Variants in LIPI observed in about 807,000 individuals in gnomAD.
LIPI encodes lipase I.
In LIPI, 59 loss-of-function variants were observed where a neutral mutation model predicts 50.6. That is an observed-to-expected ratio of 1.16 (90% CI 0.94 to 1.45). The LOEUF (loss-of-function observed/expected upper bound fraction) is 1.45. Among genes scored for constraint, LIPI ranks in the 40% most tolerant of loss-of-function variants. LIPI has a pLI of 0.00. For synonymous variants in LIPI, 203 were observed against 178.2 expected, an observed-to-expected ratio of 1.14 and a Z score of -1.11; for missense variants, 586 against 536.3, an observed-to-expected ratio of 1.09 and a Z score of -0.92.
At chr21:14,115,725 G>A (rs868406546) in intron 9 of LIPI, among the ~76,000 whole-genome samples, 1 of 152,134 alleles carries the variant, frequency 6.6e-6, no homozygotes, top group Admixed American at 6.5e-5. Flanking sequence ...AGTTGCAGGA[G>A]AGTCACAGAG....
At chr21:14,208,005 ACATGATC>A (rs1477476468) in intron 1 of LIPI, among the ~76,000 whole-genome samples, 1 of 152,228 alleles carries the variant, frequency 6.6e-6, no homozygotes, top group Non-Finnish European at 1.5e-5. Context: ...ATTTTCTTTC[ACATGATC>A]CTTGTTTAAA....
chr21:14,162,420 T>C (rs1171009468), intron 7 of LIPI, among the ~76,000 whole-genome samples: 1 of 151,620 alleles, frequency 6.6e-6, no homozygotes, highest in African/African-American at 2.4e-5. Flanking sequence ...ATATGACTAT[T>C]TTGTATGGAG....
intron 7 of LIPI, among the ~76,000 whole-genome samples, chr21:14,159,226 C>A (rs1233822481): frequency 6.6e-6 from 1 of 151,296 alleles, no homozygotes; most frequent in Non-Finnish European, 1.5e-5. Context: ...CTAACAAATA[C>A]CTCTTATGAA....
chr21:14,117,554 T>C (rs1431973061), intron 9 of LIPI, among the ~76,000 whole-genome samples: 4 of 152,070 alleles, frequency 2.6e-5, no homozygotes, highest in Admixed American at 6.6e-5. Context: ...ATACAAGGAA[T>C]AAAGGCTGGA....
intron 7 of LIPI, among the ~76,000 whole-genome samples, chr21:14,161,790 C>G: frequency 2.3e-5 from 1 of 43,948 alleles, no homozygotes; most frequent in Non-Finnish European, 3.5e-5. Context: ...ATAATATATA[C>G]ATTATTATAT....
In LIPI at chr21:14,161,618, A is replaced by ATATTATATATTAATG. The variant is rs1568858256; in HGVS notation, c.1006+1800_1006+1801insCATTAATATATAATA. Among the ~76,000 whole-genome samples, 14 of 109,200 alleles carry ATATTATATATTAATG rather than the reference A, an allele frequency of 1.3e-4. 1 individual carries two copies. Among genetic ancestry groups the ATATTATATATTAATG allele is most frequent in the East Asian group, 4.8e-4 (2 of 4,156 alleles). 71.6% of individuals were successfully genotyped at this position (109,200 alleles called of 152,430 possible). ...TAATATATTAATATATAATATACATATATAATATATTAATATATAATATAT... is the reference window on the plus strand; with the variant it reads ...TAATATATTAATATATAATATACATATATTATATATTAATGTATAATATATTAATATATAATATAT... On this transcript the variant is annotated intron_variant, in intron 7 of 9. Transcript: ENST00000681601.
rs954979519 is a variant in LIPI, at chr21:14,117,537, G to A, written c.1296-8457C>T. Among the ~76,000 whole-genome samples, 7 of 152,192 alleles carry A rather than the reference G, an allele frequency of 4.6e-5. 1 individual carries two copies. The highest frequency in any genetic ancestry group is 4.6e-4 in the Admixed American group (7 of 15,288). ...TGCTAAACTTTCTGAGATACTGAGAGGCTCTGATACAAGGAATAAAGGCTG... is the reference window on the plus strand; with the variant it reads ...TGCTAAACTTTCTGAGATACTGAGAAGCTCTGATACAAGGAATAAAGGCTG... On this transcript the variant is annotated intron_variant, in intron 9 of 9. Coordinates refer to ENST00000681601, the MANE Select transcript of LIPI (RefSeq NM_001302998.2).
intron 4 of LIPI, among the ~76,000 whole-genome samples, chr21:14,168,807 C>G (rs139063309): frequency 0.021 from 3,124 of 152,238 alleles, 99 homozygotes; most frequent in African/African-American, 0.071. Context: ...ACTGCATCAA[C>G]TAACAAGCAA....
intron 9 of LIPI, among the ~76,000 whole-genome samples, chr21:14,117,960 A>T (rs1368576715): frequency 2.6e-5 from 4 of 152,028 alleles, no homozygotes; most frequent in African/African-American, 9.7e-5. Flanking sequence ...ATGTGGTCAC[A>T]GTAGAGGACA....
In LIPI at chr21:14,191,227, A is replaced by T. The variant is rs548072626; in HGVS notation, c.47-1808T>A. Among the ~76,000 whole-genome samples the T allele has an allele frequency of 2.1e-4, 32 of 151,912 alleles. No homozygotes were observed. In the East Asian group the frequency reaches 5.4e-3, roughly 26 times the overall value. On this transcript the variant is annotated intron_variant, in intron 1 of 9. Transcript: ENST00000681601. ...CCCCGTCTCTACTAAAACTACAAAA[A>T]ATAGCCGGGCGTAGTGGCGGGCGCC...
At chr21:14,210,125 C>T (rs2020326005) in intron 1 of LIPI, among the ~76,000 whole-genome samples, 1 of 151,934 alleles carries the variant, frequency 6.6e-6, no homozygotes. Flanking sequence ...CTACAGAAAA[C>T]TATCATCTTG....
At position 14,167,066 on chromosome 21, in the gene LIPI, C is replaced by T. The variant is rs145079197; in HGVS notation, c.644-615G>A. On this transcript the variant is annotated intron_variant, in intron 4 of 9. Transcript: ENST00000681601. ...CGGCCCACCAGGAGATTATATCCCACACATGGCTCGGAGGGTCCTACGCCC... is the reference window on the plus strand; with the variant it reads ...CGGCCCACCAGGAGATTATATCCCATACATGGCTCGGAGGGTCCTACGCCC... 3.4e-3 allele frequency among the ~76,000 whole-genome samples: 519 copies of T among 152,342 alleles called. 3 individuals carry two copies. The highest frequency in any genetic ancestry group is 0.016 in the East Asian group (84 of 5,166).
intron 4 of LIPI, among the ~76,000 whole-genome samples, chr21:14,179,296 T>C (rs1358301964): frequency 6.6e-6 from 1 of 152,008 alleles, no homozygotes; most frequent in African/African-American, 2.4e-5. Context: ...TCACCAGGTA[T>C]GTGCTGAGTC....
At chr21:14,168,356 A>G (rs1421673321) in intron 4 of LIPI, among the ~76,000 whole-genome samples, 1 of 152,176 alleles carries the variant, frequency 6.6e-6, no homozygotes, top group Non-Finnish European at 1.5e-5. Context: ...TTCAGGAAAT[A>G]CAGAGAACTC....
At chr21:14,179,625 G>A (rs1053851620) in intron 4 of LIPI, among the ~76,000 whole-genome samples, 12 of 152,280 alleles carry the variant, frequency 7.9e-5, no homozygotes, top group Admixed American at 5.9e-4. Context: ...GGCTGGAGCC[G>A]CAGCAGAGGA....
chr21:14,205,182 C>T (rs758896639), intron 1 of LIPI, among the ~76,000 whole-genome samples: 2 of 151,558 alleles, frequency 1.3e-5, no homozygotes, highest in African/African-American at 4.8e-5. Context: ...AATAAAATTA[C>T]CATATCATTT....
intron 4 of LIPI, among the ~76,000 whole-genome samples, chr21:14,168,612 C>T (rs2018779186): frequency 6.6e-6 from 1 of 152,156 alleles, no homozygotes; most frequent in African/African-American, 2.4e-5. Flanking sequence ...TCCAGCCAAA[C>T]TAAGCTTCAT....
At chr21:14,139,187 C>A (rs554918619) in intron 9 of LIPI, among the ~76,000 whole-genome samples, 22 of 151,916 alleles carry the variant, frequency 1.4e-4, no homozygotes, top group Non-Finnish European at 2.8e-4. Context: ...GTATACTATA[C>A]CCAGTATACA....
rs1453801393 is a variant in LIPI at position 14,108,902 on chromosome 21, A to C, written c.*91T>G. ...AGAAATAGAAATACTTGAATCTCAA[A>C]TTGAACAGTGCATTATAAAAGACTG... On this transcript the variant is annotated 3_prime_UTR_variant, in exon 10 of 10. Transcript: ENST00000681601. 3.4e-6 allele frequency: 5 copies of C among 1,484,540 alleles called. No individual in the cohort carries two copies. The highest frequency in any genetic ancestry group is 3.7e-6 in the Non-Finnish European group (4 of 1,078,842). 92.0% of individuals were successfully genotyped at this position (1,484,540 alleles called of 1,614,324 possible).
Sources: allele counts gnomAD v4.1 joint callset (sites outside exome capture counted in the v4.1 genomes callset), GRCh38; gene constraint gnomAD v4.1.1; transcripts MANE v1.5; gene names NCBI Gene and HGNC (gene_info 2026-07-23, HGNC 2026-07-21).